Variants in MAX observed in about 807,000 individuals in gnomAD.
The protein encoded by MAX is MYC associated transcriptional regulator X.
MAX carries 3 observed loss-of-function variants against 22.3 expected under a neutral mutation model. The ratio of observed to expected loss-of-function variants is 0.13; its 90% confidence interval spans 0.06 to 0.35. The LOEUF (loss-of-function observed/expected upper bound fraction) is 0.35. MAX is among the 10% of genes least tolerant of loss of function. The probability of loss-of-function intolerance (pLI) is 1.00; values close to 1 mark genes in which losing one functional copy is unlikely to be tolerated. For missense variants in MAX, 119 were observed against 209.4 expected, an observed-to-expected ratio of 0.57 and a Z score of 2.66; for synonymous variants, 72 against 77.7, an observed-to-expected ratio of 0.93 and a Z score of 0.39.
At chr14:65,099,323 C>T (rs1389743121) in intron 2 of MAX, among the ~76,000 whole-genome samples, 3 of 151,774 alleles carry the variant, frequency 2.0e-5, no homozygotes, top group Admixed American at 1.3e-4. Flanking sequence ...AGTGTCAAAC[C>T]AACTTCCTTT....
intron 3 of MAX, among the ~76,000 whole-genome samples, chr14:65,089,544 G>T (rs1168171966): frequency 6.6e-6 from 1 of 151,862 alleles, no homozygotes; most frequent in Non-Finnish European, 1.5e-5. Context: ...CCATGATAAA[G>T]AGACAGTGTG....
Position 65,077,236 on chromosome 14 carries a change from C to A in MAX, c.296-573G>T. The A allele has an allele frequency of 1.2e-6, 1 of 817,290 alleles. No individual in the cohort carries two copies. Among genetic ancestry groups the A allele is most frequent in the African/African-American group, 1.7e-5 (1 of 59,080 alleles). 50.6% of individuals were successfully genotyped at this position (817,290 alleles called of 1,614,324 possible). On this transcript the variant is annotated intron_variant, in intron 4 of 4. Coordinates refer to ENST00000358664, the MANE Select transcript of MAX (RefSeq NM_002382.5). The surrounding 1 kb of genome is among the most constrained non-coding windows in gnomAD (Gnocchi z 6.3). ...CCCAGTAACCAACCCACTGACACCA[C>A]CCACTGCCCATCCCTTGGTTCAGCT...
intron 3 of MAX, among the ~76,000 whole-genome samples, chr14:65,085,504 G>A (rs1311189162): frequency 2.0e-5 from 3 of 152,192 alleles, no homozygotes; most frequent in South Asian, 2.1e-4. Context: ...ACTCTTGGGG[G>A]AGTGAGACCT....
intron 3 of MAX, among the ~76,000 whole-genome samples, chr14:65,018,587 A>T (rs945452396): frequency 6.6e-6 from 1 of 152,104 alleles, no homozygotes; most frequent in African/African-American, 2.4e-5. Context: ...AGGTCGGCAG[A>T]TCACCTGAGA....
chr14:65,076,861 T>C lies in MAX; in HGVS notation c.296-198A>G. On this transcript the variant is annotated intron_variant, in intron 4 of 4. Coordinates refer to ENST00000358664, the MANE Select transcript of MAX (RefSeq NM_002382.5). The surrounding 1 kb of genome is among the most constrained non-coding windows in gnomAD (Gnocchi z 6.6). ...CCCTCCCGCCTTTCCCAGCTGGACCTGGGAGCCAGCAGACACTCTGCAATC... is the reference window on the plus strand; with the variant it reads ...CCCTCCCGCCTTTCCCAGCTGGACCCGGGAGCCAGCAGACACTCTGCAATC... 1.5e-6 allele frequency: 1 copy of C among 663,708 alleles called. No individual in the cohort carries two copies. The highest frequency in any genetic ancestry group is 2.7e-6 in the Non-Finnish European group (1 of 368,292). The allele number at this position is 663,708 out of a possible 1,614,324, so 41.1% of individuals were successfully genotyped here. A position where few individuals can be genotyped will look rare whatever the true frequency, so the allele number is the denominator to read the frequency against.
rs754274508 is a variant in MAX at position 65,093,451 on chromosome 14, A to T, written c.171+257T>A. ...ATAGTTATAATTTCTTGAATTTATT[A>T]CAAATAATACAAATTTTAAAAGATA... On this transcript the variant is annotated intron_variant, in intron 3 of 4. Coordinates refer to ENST00000358664, the MANE Select transcript of MAX (RefSeq NM_002382.5). This position sits in a 1 kb window ranked among gnomAD's most constrained non-coding sequence, Gnocchi z 4.4. 2.0e-6 allele frequency: 1 copy of T among 492,098 alleles called. No individual in the cohort carries two copies. The highest frequency in any genetic ancestry group is 3.8e-5 in the East Asian group (1 of 26,114). The allele number at this position is 492,098 out of a possible 1,614,324, so 30.5% of individuals were successfully genotyped here.
downstream of MAX, among the ~76,000 whole-genome samples, chr14:65,070,718 G>A (rs1219337454): frequency 6.6e-6 from 1 of 152,222 alleles, no homozygotes. This position sits in a 1 kb window ranked among gnomAD's most constrained non-coding sequence, Gnocchi z 4.4. Context: ...TCACCCACCA[G>A]GCAGATTCTG....
chr14:65,042,697 A>G (rs530975275), intron 3 of MAX, among the ~76,000 whole-genome samples: 5 of 152,212 alleles, frequency 3.3e-5, no homozygotes, highest in African/African-American at 7.2e-5. Context: ...ATGAATTCCT[A>G]TAGCCCAAGG....
intron 3 of MAX, among the ~76,000 whole-genome samples, chr14:65,065,665 A>G (rs1348298362): frequency 2.0e-5 from 3 of 152,214 alleles, no homozygotes; most frequent in African/African-American, 7.2e-5. Flanking sequence ...ACTGTCGTAC[A>G]TGCATTCTGT....
At chr14:65,101,282 A>G (rs2063823915) in intron 2 of MAX, among the ~76,000 whole-genome samples, 1 of 152,178 alleles carries the variant, frequency 6.6e-6, no homozygotes. Context: ...TGGATCCCCT[A>G]TCTGAAAACT....
intron 2 of MAX, among the ~76,000 whole-genome samples, chr14:65,098,591 C>T (rs1430741117): frequency 1.3e-5 from 2 of 152,132 alleles, no homozygotes; most frequent in African/African-American, 4.8e-5. Context: ...AGAAATAAAG[C>T]AAAAGGAAGC....
Position 65,075,201 on chromosome 14 carries a change from A to G in MAX, c.*1275T>C. 4.8e-6 allele frequency: 5 copies of G among 1,046,380 alleles called. No homozygotes were observed. The highest frequency in any genetic ancestry group is 5.8e-6 in the Non-Finnish European group (5 of 867,354). The allele number at this position is 1,046,380 out of a possible 1,614,324, so 64.8% of individuals were successfully genotyped here. The stretch of plus-strand genomic sequence containing the variant: ...TTAACTTGCAAGACAATTCTTCGGC[A>G]GTATGTACAACATACTTTTTATTTC... On this transcript the variant is annotated 3_prime_UTR_variant, in exon 5 of 5. Coordinates refer to ENST00000358664, the MANE Select transcript of MAX (RefSeq NM_002382.5). The surrounding 1 kb of genome is among the most constrained non-coding windows in gnomAD (Gnocchi z 4.1).
At chr14:65,066,747 G>A (rs908302061) in intron 3 of MAX, among the ~76,000 whole-genome samples, 2 of 151,684 alleles carry the variant, frequency 1.3e-5, no homozygotes, top group Admixed American at 6.6e-5. Flanking sequence ...CTAGCTACTC[G>A]GGAGGCTTAG....
chr14:65,084,562 G>A lies in MAX; in HGVS notation c.172-6526C>T, dbSNP rs958140762. On this transcript the variant is annotated intron_variant, in intron 3 of 4. Coordinates refer to ENST00000358664, the MANE Select transcript of MAX (RefSeq NM_002382.5). This position sits in a 1 kb window ranked among gnomAD's most constrained non-coding sequence, Gnocchi z 4.3. ...ACACACGGAAAAAGGTCAGATGCTC[G>A]CACCCCTCAACCCAGAAATCCAACT... 1.3e-5 allele frequency among the ~76,000 whole-genome samples: 2 copies of A among 151,956 alleles called. No homozygotes were observed. Among genetic ancestry groups the A allele is most frequent in the Admixed American group, 6.6e-5 (1 of 15,242 alleles).
intron 3 of MAX, among the ~76,000 whole-genome samples, chr14:65,042,414 G>A (rs2062373476): frequency 6.6e-6 from 1 of 152,192 alleles, no homozygotes; most frequent in Non-Finnish European, 1.5e-5. Flanking sequence ...CTCATGTAGA[G>A]CGTGCAACCT....
chr14:65,102,678 C>A, upstream of MAX: 3 of 784,942 alleles, frequency 3.8e-6, no homozygotes, highest in Non-Finnish European at 4.8e-6. Flanking sequence ...CGCATCCAGG[C>A]GACGCCAGCC....
Position 65,084,445 on chromosome 14 carries a change from C to T in MAX, c.172-6409G>A, listed in dbSNP as rs1457802598. The T allele has an allele frequency of 4.5e-5, 28 of 624,650 alleles. No homozygotes were observed. The highest frequency in any genetic ancestry group is 4.2e-4 in the Middle Eastern group (1 of 2,356). The allele number at this position is 624,650 out of a possible 1,614,324, so 38.7% of individuals were successfully genotyped here. A position where few individuals can be genotyped will look rare whatever the true frequency, so the allele number is the denominator to read the frequency against. On this transcript the variant is annotated intron_variant, in intron 3 of 4. Transcript: ENST00000358664. This position sits in a 1 kb window ranked among gnomAD's most constrained non-coding sequence, Gnocchi z 4.3. ...TGAAACTGGTACTCTCAAAACACTA[C>T]CAAAAGACTACTCTTTAGAATTTGC...
rs149638856 is a variant in MAX, at chr14:65,052,325, T to G, written c.171+41383A>C. Among the ~76,000 whole-genome samples, 46 of 152,282 alleles carry G rather than the reference T, an allele frequency of 3.0e-4. 1 individual carries two copies. In the East Asian group the frequency reaches 8.7e-3, roughly 29 times the overall value. ...GAAAAACGCATAGAACCAAAAAGACTGGAAGAAAGAACAATTAGCTTTCAG... is the reference window on the plus strand; with the variant it reads ...GAAAAACGCATAGAACCAAAAAGACGGGAAGAAAGAACAATTAGCTTTCAG... On this transcript the variant is annotated intron_variant, in intron 3 of 3. Transcript: ENST00000341653.
At chr14:65,071,571 C>T (rs745998996), downstream of MAX, among the ~76,000 whole-genome samples, 8 of 152,252 alleles carry the variant, frequency 5.3e-5, no homozygotes, top group Non-Finnish European at 1.0e-4. The surrounding 1 kb of genome is among the most constrained non-coding windows in gnomAD (Gnocchi z 4.2). Flanking sequence ...GCTTCTCACA[C>T]TCCTTTAAGC....
Sources: gnomAD v4.1 joint callset for allele counts (sites outside exome capture counted in the v4.1 genomes callset) on GRCh38, gnomAD v4.1.1 for gene constraint, Gnocchi (gnomAD v3.1) non-coding constraint, MANE v1.5 for transcripts, NCBI Gene and HGNC (gene_info 2026-07-23, HGNC 2026-07-21) for gene names.